The following SMIM22 variants were observed in gnomAD, a reference collection of about 807,000 sequenced individuals.
SMIM22 encodes small integral membrane protein 22.
SMIM22 carries 16 observed loss-of-function variants against 8.4 expected under a neutral mutation model. That is an observed-to-expected ratio of 1.90 (90% confidence interval 1.29 to 2.89). SMIM22 has a LOEUF of 2.89. Ranked by LOEUF, SMIM22 falls within the 30% of genes most tolerant of loss-of-function variation. The probability of loss-of-function intolerance (pLI) is 0.00; values close to 1 mark genes in which losing one functional copy is unlikely to be tolerated. For synonymous variants in SMIM22, 67 were observed against 47.6 expected, an observed-to-expected ratio of 1.41 and a Z score of -1.68; for missense variants, 159 against 107.5, an observed-to-expected ratio of 1.48 and a Z score of -2.12.
At chr16:4,793,449 C>A (rs1234606525), upstream of SMIM22, among the ~76,000 whole-genome samples, 3 of 152,156 alleles carry the variant, frequency 2.0e-5, no homozygotes, top group Non-Finnish European at 4.4e-5. Flanking sequence ...TCCGTTTCCT[C>A]ATCTGTAAAA....
At chr16:4,791,427 C>T (rs893919465), upstream of SMIM22, among the ~76,000 whole-genome samples, 6 of 152,142 alleles carry the variant, frequency 3.9e-5, no homozygotes, top group Admixed American at 6.6e-5. Context: ...CATCATGCTT[C>T]GACGGCTCTG....
At chr16:4,794,687 T>A (rs2082605132), upstream of SMIM22, among the ~76,000 whole-genome samples, 1 of 152,236 alleles carries the variant, frequency 6.6e-6, no homozygotes, top group African/African-American at 2.4e-5. Flanking sequence ...CCCAAAGTGC[T>A]GGGATTACAG....
intron 2 of SMIM22, among the ~76,000 whole-genome samples, chr16:4,789,332 C>CTT (rs1157020160): frequency 7.0e-6 from 1 of 142,890 alleles, no homozygotes. Context: ...TCCTTTTTTT[C>CTT]TTTTTTTTTT....
chr16:4,792,470 A>G (rs191776492), upstream of SMIM22, among the ~76,000 whole-genome samples: 2,256 of 144,086 alleles, frequency 0.016, 41 homozygotes, highest in African/African-American at 0.048. Flanking sequence ...GATTACAGGC[A>G]TGAGCCACCG....
At chr16:4,792,908 G>A (rs1256326469), upstream of SMIM22, among the ~76,000 whole-genome samples, 1 of 148,708 alleles carries the variant, frequency 6.7e-6, no homozygotes, top group Non-Finnish European at 1.5e-5. Flanking sequence ...TCAGGAGTTT[G>A]AGACCAGCCT....
intron 2 of SMIM22, among the ~76,000 whole-genome samples, chr16:4,789,227 G>C (rs893378633): frequency 2.0e-5 from 3 of 152,188 alleles, no homozygotes; most frequent in Admixed American, 2.0e-4. Context: ...GGTCAGGCTA[G>C]TCACAAGCTT....
chr16:4,796,222 G>A lies in SMIM22; in HGVS notation c.258G>A (p.Leu86=), dbSNP rs2141901471. The A allele has an allele frequency of 6.5e-7, 1 of 1,535,868 alleles. No individual in the cohort carries two copies. The highest frequency in any genetic ancestry group is 1.7e-4 in the Middle Eastern group (1 of 5,988). The change falls in exon 4 of 4, where the codon CTG becomes CTA. Residue 86 remains leucine (L), a synonymous_variant. Coordinates refer to ENST00000586005, the MANE Select transcript of SMIM22 (RefSeq NM_001253794.2). The stretch of plus-strand genomic sequence containing the variant: ...CCAAGGGAGTGGATAACTTGGCCCT[G>A]GAACCCTGACCCTGTGTCTCCTGCC... ...ERPKGVDNLA[L]EP
chr16:4,795,270 G>T (rs963824887), upstream of SMIM22: 5 of 162,598 alleles, frequency 3.1e-5, no homozygotes, highest in Admixed American at 6.0e-5. Context: ...CTCCAGCAGT[G>T]GGGAGCCAGG....
At chr16:4,794,156 G>T (rs1375376746), upstream of SMIM22, among the ~76,000 whole-genome samples, 2 of 151,572 alleles carry the variant, frequency 1.3e-5, no homozygotes, top group Non-Finnish European at 2.9e-5. Flanking sequence ...CACCCAGGCT[G>T]GAGTGCAGTG....
upstream of SMIM22, chr16:4,794,903 T>A (rs1192864069): frequency 6.6e-6 from 1 of 152,258 alleles, no homozygotes; most frequent in Non-Finnish European, 1.5e-5. Context: ...ATTTAAAGTA[T>A]AGAGTATATG....
chr16:4,789,650 G>T (rs1274484322), intron 2 of SMIM22, among the ~76,000 whole-genome samples: 1 of 151,872 alleles, frequency 6.6e-6, no homozygotes, highest in Admixed American at 6.6e-5. Flanking sequence ...TTTGAGACAC[G>T]GTCTCACTAT....
intron 1 of SMIM22, 116 bp downstream of exon 1, chr16:4,795,565 C>T: frequency 1.0e-6 from 1 of 960,974 alleles, no homozygotes; most frequent in East Asian, 2.7e-5. Flanking sequence ...AGAAGCTGGG[C>T]CTGGGGCCGA....
intron 1 of SMIM22, 37 bp downstream of exon 1, chr16:4,795,486 G>A: frequency 5.5e-6 from 3 of 547,466 alleles, no homozygotes; most frequent in Non-Finnish European, 9.6e-6. Flanking sequence ...GCCAGGGGGA[G>A]AGAGAGGGGA....
chr16:4,796,295 G>C lies in SMIM22; in HGVS notation c.*64G>C, dbSNP rs189079794. The C allele has an allele frequency of 3.4e-4, 521 of 1,518,808 alleles. 2 individuals are homozygous for C. In the African/African-American group the frequency reaches 6.3e-3, roughly 18 times the overall value. 94.1% of individuals were successfully genotyped at this position (1,518,808 alleles called of 1,614,324 possible). A position where few individuals can be genotyped will look rare whatever the true frequency, so the allele number is the denominator to read the frequency against. ...TGTCTGCCCAGAGCCTGAGTCTGCAGTGTCTTCCAGTCCCCGTCTGGGTGG... is the reference window on the plus strand; with the variant it reads ...TGTCTGCCCAGAGCCTGAGTCTGCACTGTCTTCCAGTCCCCGTCTGGGTGG... On this transcript the variant is annotated 3_prime_UTR_variant, in exon 4 of 4. Transcript: ENST00000586005.
upstream of SMIM22, among the ~76,000 whole-genome samples, chr16:4,792,666 G>A (rs972842304): frequency 4.0e-5 from 6 of 151,164 alleles, no homozygotes; most frequent in Non-Finnish European, 8.9e-5. Flanking sequence ...GCTGGGTGTG[G>A]TGGTGCACGC....
chr16:4,795,867 G>A lies in SMIM22; in HGVS notation c.124+9G>A. On this transcript the variant is annotated intron_variant, in intron 2 of 3. Transcript: ENST00000586005. ...TTTCCTCACCTTCATGGGTAAGTGT[G>A]GCTGTGGCCTCTGGGTCCTCCCAGC... The A allele has an allele frequency of 6.5e-7, 1 of 1,535,712 alleles. No individual in the cohort carries two copies. Among genetic ancestry groups the A allele is most frequent in the Non-Finnish European group, 8.7e-7 (1 of 1,146,666 alleles).
upstream of SMIM22, chr16:4,795,100 T>TCCCA (rs2082611609): frequency 1.3e-5 from 1 of 76,286 alleles, no homozygotes; most frequent in African/African-American, 4.8e-5. Context: ...CCCTTCCCCC[T>TCCCA]CCCTCCCACC....
chr16:4,794,108 G>C (rs1208571120), upstream of SMIM22, among the ~76,000 whole-genome samples: 1 of 146,332 alleles, frequency 6.8e-6, no homozygotes, highest in Non-Finnish European at 1.5e-5. Context: ...GGTAATTTTT[G>C]TATTATTATT....
chr16:4,796,358 T>A lies in SMIM22; in HGVS notation c.*127T>A. The A allele has an allele frequency of 1.8e-6, 2 of 1,098,544 alleles. No individual in the cohort carries two copies. Among genetic ancestry groups the A allele is most frequent in the Non-Finnish European group, 2.6e-6 (2 of 773,564 alleles). The allele number at this position is 1,098,544 out of a possible 1,614,324, so 68.0% of individuals were successfully genotyped here. On this transcript the variant is annotated 3_prime_UTR_variant, in exon 4 of 4. Transcript: ENST00000586005. The stretch of plus-strand genomic sequence containing the variant: ...TCGCCGCCCCACTCAGGTGGCCACC[T>A]GGCCTCTCCAAGCCTTCAGTCAGCA...
Sources: gnomAD v4.1 joint callset for allele counts (sites outside exome capture counted in the v4.1 genomes callset) on GRCh38, gnomAD v4.1.1 for gene constraint, MANE v1.5 for transcripts, NCBI Gene and HGNC (gene_info 2026-07-23, HGNC 2026-07-21) for gene names.